Variants in VEGFD observed in about 807,000 individuals in gnomAD.
VEGFD encodes the protein c-fos induced growth factor (vascular endothelial growth factor D).
VEGFD carries 26 observed loss-of-function variants against 28.0 expected under a neutral mutation model. The observed-to-expected ratio is 0.93, with a 90% CI of 0.68 to 1.29. The LOEUF is 1.29. Ranked by LOEUF, VEGFD falls within the 50% of genes most tolerant of loss-of-function variation. VEGFD has a pLI of 0.00. For missense variants in VEGFD, 294 were observed against 273.4 expected (o/e 1.08, Z -0.53); for synonymous variants, 93 against 95.5 (o/e 0.97, Z 0.15).
intron 1 of VEGFD, 77 bp downstream of exon 1, chrX:15,383,780 A>G: frequency 1.3e-6 from 1 of 746,713 alleles, no homozygotes; most frequent in Non-Finnish European, 2.1e-6. Flanking sequence ...TTGTTTCAAA[A>G]ATAGTGAGGG....
chrX:15,354,175 G>T (rs180698488), intron 4 of VEGFD, among the ~76,000 whole-genome samples: 1,142 of 109,426 alleles, frequency 0.01, 13 homozygotes, highest in African/African-American at 0.035. Context: ...GTTGCACCGT[G>T]TTAGCCAGGA....
At chrX:15,367,030 G>A (rs931472021) in intron 1 of VEGFD, among the ~76,000 whole-genome samples, 5 of 111,964 alleles carry the variant, frequency 4.5e-5, no homozygotes, top group East Asian at 5.5e-4. Flanking sequence ...TAATAAAAGC[G>A]GGAGAATTAT....
intron 1 of VEGFD, among the ~76,000 whole-genome samples, chrX:15,371,520 A>G (rs927710231): frequency 8.9e-6 from 1 of 112,115 alleles, no homozygotes; most frequent in African/African-American, 3.2e-5. Context: ...AAACCTGATA[A>G]CACTTGATTT....
rs765371813 is a variant in VEGFD at position 15,368,307 on chromosome X, G to A, written c.91-4988C>T. Among the ~76,000 whole-genome samples the A allele has an allele frequency of 5.4e-5, 6 of 112,048 alleles. No homozygotes were observed. In the South Asian group the frequency reaches 1.8e-3, roughly 34 times the overall value. On this transcript the variant is annotated intron_variant, in intron 1 of 6. Transcript: ENST00000297904. ...CTCAGGAGAAAATATCAAATCTCTGGATTGAATTAAAGTAATTAAATGGCT... is the reference window on the plus strand; with the variant it reads ...CTCAGGAGAAAATATCAAATCTCTGAATTGAATTAAAGTAATTAAATGGCT...
intron 1 of VEGFD, among the ~76,000 whole-genome samples, chrX:15,380,233 C>T (rs755468790): frequency 8.9e-6 from 1 of 112,441 alleles, no homozygotes; most frequent in African/African-American, 3.2e-5. Flanking sequence ...AACTGGAAAT[C>T]GGGCAGGGAG....
At chrX:15,349,805 C>CG (rs1411096064) in intron 5 of VEGFD, among the ~76,000 whole-genome samples, 3 of 110,990 alleles carry the variant, frequency 2.7e-5, no homozygotes, top group Non-Finnish European at 5.7e-5. Context: ...GTCACATGTG[C>CG]GGAAAAAAAG....
intron 5 of VEGFD, among the ~76,000 whole-genome samples, chrX:15,352,061 G>A (rs745495707): frequency 2.8e-4 from 31 of 111,841 alleles, no homozygotes; most frequent in African/African-American, 9.7e-4. Flanking sequence ...CACTTGGTGG[G>A]AAGGGTGTAA....
rs1421967137 is a variant in VEGFD, at chrX:15,363,231, T to C, written c.179A>G (p.Glu60Gly). Residue 60 changes from glutamate (E) to glycine (G), a missense_variant, in exon 2 of 7, where the codon GAG becomes GGG. By Grantham distance (98) the Glu-to-Gly change is moderately conservative (BLOSUM62 -2). Coordinates refer to ENST00000297904, the MANE Select transcript of VEGFD (RefSeq NM_004469.5). ...LEELLRITHS[E>G]DWKLWRCRLR... Reference sequence around the variant, plus strand: ...CCTGCATCTCCACAGCTTCCAGTCCTCAGAGTGAGTAATTCGAAGTAGTTC... The same window carrying C: ...CCTGCATCTCCACAGCTTCCAGTCCCCAGAGTGAGTAATTCGAAGTAGTTC... 8 of 1,209,500 alleles carry C rather than the reference T, an allele frequency of 6.6e-6. No individual in the cohort carries two copies. The highest frequency in any genetic ancestry group is 8.9e-6 in the Non-Finnish European group (8 of 894,828).
At chrX:15,352,920 C>T in intron 5 of VEGFD, 148 bp downstream of exon 5, 1 of 267,233 alleles carries the variant, frequency 3.7e-6, no homozygotes, top group South Asian at 6.6e-5. Context: ...AACAATAGTA[C>T]ATTACAGGGT....
At chrX:15,369,352 G>A (rs775943814) in intron 1 of VEGFD, among the ~76,000 whole-genome samples, 1 of 105,601 alleles carries the variant, frequency 9.5e-6, no homozygotes, top group East Asian at 2.9e-4. Flanking sequence ...AGCCTCAGGG[G>A]AAAAAAAAAA....
chrX:15,364,087 G>C (rs1399105012), intron 1 of VEGFD, among the ~76,000 whole-genome samples: 1 of 111,712 alleles, frequency 9.0e-6, no homozygotes, highest in Non-Finnish European at 1.9e-5. Flanking sequence ...TCTGTTATTT[G>C]TTTGAGAAAT....
chrX:15,377,772 G>A (rs964570124), intron 1 of VEGFD, among the ~76,000 whole-genome samples: 1 of 111,106 alleles, frequency 9.0e-6, no homozygotes, highest in East Asian at 2.8e-4. Context: ...AGGGTGAGGC[G>A]CTCTCAGGCT....
At chrX:15,364,110 G>C (rs1923087139) in intron 1 of VEGFD, among the ~76,000 whole-genome samples, 1 of 111,703 alleles carries the variant, frequency 9.0e-6, no homozygotes, top group African/African-American at 3.3e-5. Context: ...ATCCACAAAG[G>C]CCTGGGTAAC....
intron 6 of VEGFD, among the ~76,000 whole-genome samples, chrX:15,346,700 G>A (rs925788319): frequency 1.8e-5 from 2 of 112,004 alleles, no homozygotes; most frequent in Non-Finnish European, 3.8e-5. Flanking sequence ...TTGGGAGGCC[G>A]AGACGGGTGG....
intron 1 of VEGFD, among the ~76,000 whole-genome samples, chrX:15,370,484 T>A (rs2147747753): frequency 8.9e-6 from 1 of 112,141 alleles, no homozygotes; most frequent in Non-Finnish European, 1.9e-5. Flanking sequence ...ACTATATTAT[T>A]TATGAACACA....
intron 1 of VEGFD, 58 bp downstream of exon 1, chrX:15,383,799 G>T: frequency 1.1e-6 from 1 of 896,474 alleles, no homozygotes; most frequent in Admixed American, 2.3e-5. Flanking sequence ...GGCAAAGAAA[G>T]TCCTCTGTAT....
rs58031540 is a variant in VEGFD at position 15,384,178 on chromosome X, T to TCTCATG, written c.-233_-232insCATGAG. ...AGAGAGATGAAAAAAATCAAAATGT[T>TCTCATG]CTCCAAAAATAATCAGAAGGTGGAC... On this transcript the variant is annotated 5_prime_UTR_variant, in exon 1 of 7. It adds an upstream start codon to the 5' untranslated region. Coordinates refer to ENST00000297904, the MANE Select transcript of VEGFD (RefSeq NM_004469.5). 85,001 of 302,482 alleles carry TCTCATG rather than the reference T, an allele frequency of 0.28. 9,955 individuals are homozygous for TCTCATG. Among genetic ancestry groups the TCTCATG allele is most frequent in the African/African-American group, 0.49 (17,599 of 35,926 alleles). The allele number at this position is 302,482 out of a possible 1,213,427, so 24.9% of individuals were successfully genotyped here. A position where few individuals can be genotyped will look rare whatever the true frequency, so the allele number is the denominator to read the frequency against.
intron 5 of VEGFD, among the ~76,000 whole-genome samples, chrX:15,349,036 A>T (rs1168413484): frequency 8.9e-6 from 1 of 112,345 alleles, no homozygotes; most frequent in Non-Finnish European, 1.9e-5. Context: ...CTTTTCTGTA[A>T]TGCACGACGT....
intron 1 of VEGFD, among the ~76,000 whole-genome samples, chrX:15,374,325 T>C (rs1451077740): frequency 2.7e-5 from 3 of 112,294 alleles, no homozygotes; most frequent in Admixed American, 9.5e-5. Flanking sequence ...AAACAACTTA[T>C]GTGTCATTCA....
Sources: allele counts gnomAD v4.1 joint callset (sites outside exome capture counted in the v4.1 genomes callset), GRCh38; gene constraint gnomAD v4.1.1; transcripts MANE v1.5; gene names NCBI Gene and HGNC (gene_info 2026-07-23, HGNC 2026-07-21).